The following THSD4 variants were observed in gnomAD, a reference collection of about 807,000 sequenced individuals.
The protein encoded by THSD4 is thrombospondin type 1 domain containing 4, also known as thrombospondin type-1 domain-containing protein 4.
In THSD4, 69 loss-of-function variants were observed where a neutral mutation model predicts 119.0. The ratio of observed to expected loss-of-function variants is 0.58; its 90% confidence interval spans 0.48 to 0.71. The LOEUF is 0.71. Ranked by LOEUF, THSD4 falls within the 30% of genes least tolerant of loss-of-function variation. The pLI is 0.00. For missense variants in THSD4, 1,393 were observed against 1,391.1 expected, an observed-to-expected ratio of 1.00 and a Z score of -0.02; for synonymous variants, 524 against 540.4, an observed-to-expected ratio of 0.97 and a Z score of 0.42.
chr15:71,693,590 A>G (rs899413636), intron 8 of THSD4, among the ~76,000 whole-genome samples: 1 of 152,154 alleles, frequency 6.6e-6, no homozygotes, highest in African/African-American at 2.4e-5. Flanking sequence ...GCAGTGAGCC[A>G]TGATCTCACC....
At chr15:71,166,105 A>G (rs773070582) in intron 3 of THSD4, among the ~76,000 whole-genome samples, 3 of 152,000 alleles carry the variant, frequency 2.0e-5, no homozygotes, top group Admixed American at 6.6e-5. Context: ...AGAGCATATG[A>G]GCTGGGTGAC....
Position 71,590,151 on chromosome 15 carries a change from G to C in THSD4, c.1153-70379G>C, listed in dbSNP as rs986020381. On this transcript the variant is annotated intron_variant, in intron 7 of 17. Coordinates refer to ENST00000261862, the MANE Select transcript of THSD4 (RefSeq NM_024817.3). Reference sequence around the variant, plus strand: ...GAAGGACGTTCAGTCATATCTGTTGGGTTAAGACAAATCTGGGTGATGGAA... The same window carrying C: ...GAAGGACGTTCAGTCATATCTGTTGCGTTAAGACAAATCTGGGTGATGGAA... 1.7e-4 allele frequency among the ~76,000 whole-genome samples: 24 copies of C among 138,868 alleles called. 5 individuals are homozygous for C. The Admixed American group carries it at 1.7e-3, about 10-fold the overall frequency. 91.1% of individuals were successfully genotyped at this position (138,868 alleles called of 152,430 possible). A position where few individuals can be genotyped will look rare whatever the true frequency, so the allele number is the denominator to read the frequency against.
At chr15:71,393,561 GT>G in intron 6 of THSD4, among the ~76,000 whole-genome samples, 1 of 152,124 alleles carries the variant, frequency 6.6e-6, no homozygotes, top group Non-Finnish European at 1.5e-5. Flanking sequence ...GTCTGTCCCT[GT>G]GTTTGTGCGT....
intron 8 of THSD4, among the ~76,000 whole-genome samples, chr15:71,727,645 C>T (rs1244412049): frequency 7.1e-6 from 1 of 141,216 alleles, no homozygotes; most frequent in Non-Finnish European, 1.5e-5. Context: ...TGGTACATGC[C>T]TATAGTCCCA....
chr15:71,444,322 A>C (rs1207126494), intron 7 of THSD4, among the ~76,000 whole-genome samples: 1 of 152,226 alleles, frequency 6.6e-6, no homozygotes, highest in Admixed American at 6.5e-5. Context: ...ACAAATTCTG[A>C]AGAACTCAGT....
chr15:71,630,336 T>C (rs1329769578), intron 7 of THSD4, among the ~76,000 whole-genome samples: 2 of 152,152 alleles, frequency 1.3e-5, no homozygotes, highest in Non-Finnish European at 2.9e-5. Context: ...TGATCTTTAA[T>C]TTGAGCCATT....
intron 8 of THSD4, among the ~76,000 whole-genome samples, chr15:71,697,633 C>T (rs1323649771): frequency 1.3e-5 from 2 of 152,170 alleles, no homozygotes; most frequent in African/African-American, 4.8e-5. Flanking sequence ...AAAAGAAATG[C>T]TGTAGAATTC....
chr15:71,303,908 A>G (rs2044986883), intron 6 of THSD4, among the ~76,000 whole-genome samples: 1 of 152,168 alleles, frequency 6.6e-6, no homozygotes. Flanking sequence ...TTGGGTCACA[A>G]GGACCCCTTT....
In THSD4 at chr15:71,370,855, A is replaced by C. The variant is rs1410567297; in HGVS notation, c.1016-40832A>C. Among the ~76,000 whole-genome samples, 6 of 152,282 alleles carry C rather than the reference A, an allele frequency of 3.9e-5. No individual in the cohort carries two copies. In the South Asian group the frequency reaches 6.2e-4, roughly 16 times the overall value. ...TATCCTTGTTAACTTTGTCTCGTCGATCTGTCTGATGTTGACAGTGGGGTG... is the reference window on the plus strand; with the variant it reads ...TATCCTTGTTAACTTTGTCTCGTCGCTCTGTCTGATGTTGACAGTGGGGTG... On this transcript the variant is annotated intron_variant, in intron 6 of 17. Coordinates refer to ENST00000261862, the MANE Select transcript of THSD4 (RefSeq NM_024817.3).
intron 16 of THSD4, among the ~76,000 whole-genome samples, chr15:71,768,560 ATTTT>A (rs964263863): frequency 2.0e-5 from 2 of 99,286 alleles, no homozygotes; most frequent in African/African-American, 3.7e-5. Flanking sequence ...GCAGATCCTG[ATTTT>A]TTTTTTTTTT....
At chr15:71,119,555 C>T (rs2040391517) in intron 1 of THSD4, among the ~76,000 whole-genome samples, 1 of 152,160 alleles carries the variant, frequency 6.6e-6, no homozygotes, top group Non-Finnish European at 1.5e-5. Context: ...TCTCTTTTGG[C>T]CCGAGGGGTC....
At chr15:71,621,030 C>T (rs532960132) in intron 7 of THSD4, among the ~76,000 whole-genome samples, 12 of 152,136 alleles carry the variant, frequency 7.9e-5, no homozygotes, top group Admixed American at 3.3e-4. Flanking sequence ...GTCCTTTGCC[C>T]CATATTCTAT....
At chr15:71,516,394 A>G (rs887050850) in intron 7 of THSD4, among the ~76,000 whole-genome samples, 3 of 152,128 alleles carry the variant, frequency 2.0e-5, no homozygotes, top group Non-Finnish European at 4.4e-5. Context: ...GGCTTGGCTT[A>G]AAATACCGTA....
intron 6 of THSD4, among the ~76,000 whole-genome samples, chr15:71,283,741 C>T (rs1442146386): frequency 6.6e-6 from 1 of 152,154 alleles, no homozygotes; most frequent in Non-Finnish European, 1.5e-5. Flanking sequence ...AAAGATTGGT[C>T]ATCATGGGAA....
chr15:71,659,306 T>A (rs1054410495), intron 7 of THSD4, among the ~76,000 whole-genome samples: 3 of 152,202 alleles, frequency 2.0e-5, no homozygotes, highest in African/African-American at 7.2e-5. Context: ...GTTCAGAACA[T>A]GAGTCCCAAT....
rs184811495 is a variant in THSD4 at position 71,691,940 on chromosome 15, G to A, written c.1357+31206G>A. On this transcript the variant is annotated intron_variant, in intron 8 of 17. Transcript: ENST00000261862. ...TTCCCGAAGATCAAGCCGTCCAGGT[G>A]GAAACCTCAAGTAGCCAAACACAGC... is the stretch of plus-strand genomic sequence containing the variant. Among the ~76,000 whole-genome samples the A allele has an allele frequency of 3.1e-3, 473 of 152,258 alleles. 3 individuals carry two copies. Among genetic ancestry groups the A allele is most frequent in the African/African-American group, 0.011 (452 of 41,550 alleles).
At chr15:71,148,654 T>C (rs2040689209) in intron 2 of THSD4, among the ~76,000 whole-genome samples, 1 of 152,078 alleles carries the variant, frequency 6.6e-6, no homozygotes, top group African/African-American at 2.4e-5. Flanking sequence ...TGGCAGAAAA[T>C]AAAGGAGGCT....
chr15:71,340,170 T>C (rs2045546630), intron 6 of THSD4, among the ~76,000 whole-genome samples: 1 of 152,234 alleles, frequency 6.6e-6, no homozygotes, highest in Non-Finnish European at 1.5e-5. Context: ...TTGTACTGTG[T>C]GTCTCCCTGA....
intron 15 of THSD4, 68 bp from the exon 16 acceptor site, chr15:71,764,952 T>C: frequency 3.2e-6 from 5 of 1,547,988 alleles, no homozygotes; most frequent in Non-Finnish European, 4.4e-6. Context: ...TAAGCATCCC[T>C]TGATGGACAG....
Sources: gnomAD v4.1 joint callset for allele counts (sites outside exome capture counted in the v4.1 genomes callset) on GRCh38, gnomAD v4.1.1 for gene constraint, MANE v1.5 for transcripts, NCBI Gene and HGNC (gene_info 2026-07-23, HGNC 2026-07-21) for gene names.